The following TMEM132B variants were observed in gnomAD, a reference collection of about 807,000 sequenced individuals.
TMEM132B encodes transmembrane protein 132B.
In TMEM132B, 18 loss-of-function variants were observed where a neutral mutation model predicts 90.8. The ratio of observed to expected loss-of-function variants is 0.20; its 90% CI spans 0.14 to 0.29. TMEM132B has a LOEUF of 0.29. TMEM132B is among the 10% of genes least tolerant of loss of function. The pLI, the probability that TMEM132B is intolerant of heterozygous loss-of-function variation, is 1.00. For synonymous variants in TMEM132B, 504 were observed against 523.3 expected, an observed-to-expected ratio of 0.96 and a Z score of 0.50; for missense variants, 1,096 against 1,326.8, an observed-to-expected ratio of 0.83 and a Z score of 2.70.
chr12:125,230,065 A>G (rs1015234893), intron 1 of TMEM132B, among the ~76,000 whole-genome samples: 26 of 152,218 alleles, frequency 1.7e-4, no homozygotes, highest in Admixed American at 1.7e-3. Flanking sequence ...ATGGTTCCTC[A>G]AAGGAAAGCT....
intron 1 of TMEM132B, among the ~76,000 whole-genome samples, chr12:125,231,763 TAA>T (rs71999825): frequency 2.0e-5 from 3 of 148,578 alleles, no homozygotes; most frequent in Admixed American, 6.7e-5. Flanking sequence ...TTCTTTAAAT[TAA>T]AAAAAAAACC....
At chr12:125,511,851 CAAAA>C (rs35364069) in intron 3 of TMEM132B, among the ~76,000 whole-genome samples, 1 of 111,168 alleles carries the variant, frequency 9.0e-6, no homozygotes, top group Admixed American at 1.0e-4. Flanking sequence ...GACTCTATCT[CAAAA>C]AAAAAAAAAA....
chr12:125,206,537 C>A (rs886607540), intron 1 of TMEM132B, among the ~76,000 whole-genome samples: 11 of 152,120 alleles, frequency 7.2e-5, no homozygotes, highest in African/African-American at 2.7e-4. Context: ...TGCCCCTGGT[C>A]TGATTGATAT....
intron 1 of TMEM132B, among the ~76,000 whole-genome samples, chr12:125,261,048 T>C (rs1874556140): frequency 6.6e-6 from 1 of 152,200 alleles, no homozygotes; most frequent in Admixed American, 6.5e-5. Context: ...GTAGGCTGTG[T>C]GCACACTGGT....
chr12:125,541,264 A>C (rs2136727353), intron 4 of TMEM132B, among the ~76,000 whole-genome samples: 1 of 152,324 alleles, frequency 6.6e-6, no homozygotes. Flanking sequence ...GTCCTCAACA[A>C]ATATTTGTTA....
rs541027261 is a variant in TMEM132B, at chr12:125,511,331, G to C, written c.1107-8108G>C. Among the ~76,000 whole-genome samples, 6 of 152,214 alleles carry C rather than the reference G, an allele frequency of 3.9e-5. No homozygotes were observed. In the East Asian group the frequency reaches 5.8e-4, roughly 15 times the overall value. On this transcript the variant is annotated intron_variant, in intron 3 of 8. Transcript: ENST00000682704. The stretch of plus-strand genomic sequence containing the variant: ...AAAATTGGGTTGCTTTCACCTTTTG[G>C]GGGGGATGAACCATAAGGATACGAA...
chr12:125,326,543 G>A, intron 1 of TMEM132B: 1 of 1,458,386 alleles, frequency 6.9e-7, no homozygotes, highest in Non-Finnish European at 9.4e-7. Flanking sequence ...TTGATGGGGG[G>A]AGGTGGGAAT....
intron 3 of TMEM132B, among the ~76,000 whole-genome samples, 162 bp from the exon 4 acceptor site, chr12:125,519,276 TG>T (rs1883244724): frequency 6.6e-6 from 1 of 152,224 alleles, no homozygotes; most frequent in Non-Finnish European, 1.5e-5. Context: ...GGGCTGCTGA[TG>T]GGCAGCTGTG....
chr12:125,266,056 C>A (rs1410638300), intron 1 of TMEM132B, among the ~76,000 whole-genome samples: 1 of 152,092 alleles, frequency 6.6e-6, no homozygotes, highest in Non-Finnish European at 1.5e-5. Context: ...TGGTGAAACC[C>A]TGTCTCTACT....
At chr12:125,595,970 T>A (rs887536559) in intron 5 of TMEM132B, among the ~76,000 whole-genome samples, 3 of 152,082 alleles carry the variant, frequency 2.0e-5, no homozygotes, top group Non-Finnish European at 4.4e-5. Context: ...CCTCTTTTTT[T>A]CTCTTAAATA....
chr12:125,582,068 A>C (rs1403868458), intron 4 of TMEM132B, among the ~76,000 whole-genome samples: 1 of 152,106 alleles, frequency 6.6e-6, no homozygotes, highest in Non-Finnish European at 1.5e-5. Context: ...TATTGTTTTT[A>C]GGTATTCATT....
chr12:125,653,359 A>G (rs1886976371), intron 8 of TMEM132B, among the ~76,000 whole-genome samples: 1 of 152,238 alleles, frequency 6.6e-6, no homozygotes, highest in Admixed American at 6.5e-5. Flanking sequence ...ATTAAAGTAT[A>G]TTATTTATTC....
chr12:125,650,881 G>A lies in TMEM132B; in HGVS notation c.1842G>A (p.Glu614=), dbSNP rs765189289. 1 of 1,614,008 alleles carries A rather than the reference G, an allele frequency of 6.2e-7. No homozygotes were observed. Among genetic ancestry groups the A allele is most frequent in the Non-Finnish European group, 8.5e-7 (1 of 1,180,042 alleles). ...TDLVTEFMKV[E]EPKIAQLQDG... ...TTGTGACCGAGTTCATGAAGGTGGA[G>A]GAGCCGAAAATCGCTCAGTTACAGG... The change falls in exon 7 of 9, where the codon GAG becomes GAA. Residue 614 remains glutamate, a synonymous_variant. Transcript: ENST00000682704.
At chr12:125,571,086 A>C (rs953541853) in intron 4 of TMEM132B, among the ~76,000 whole-genome samples, 1 of 152,236 alleles carries the variant, frequency 6.6e-6, no homozygotes, top group African/African-American at 2.4e-5. Flanking sequence ...TTAGGCTGAA[A>C]GCTTTCTTTT....
intron 3 of TMEM132B, among the ~76,000 whole-genome samples, chr12:125,512,231 G>A (rs567812330): frequency 3.3e-5 from 5 of 152,262 alleles, no homozygotes; most frequent in South Asian, 4.2e-4. Context: ...CCTAATAAAG[G>A]GGACAGTGTT....
chr12:125,478,736 A>G (rs1271206472), intron 3 of TMEM132B, among the ~76,000 whole-genome samples: 1 of 152,192 alleles, frequency 6.6e-6, no homozygotes, highest in Non-Finnish European at 1.5e-5. Flanking sequence ...GCAGGCCAAC[A>G]TTCAAATTCA....
At chr12:125,444,687 C>T (rs1880956100) in intron 3 of TMEM132B, among the ~76,000 whole-genome samples, 1 of 152,132 alleles carries the variant, frequency 6.6e-6, no homozygotes, top group African/African-American at 2.4e-5. Flanking sequence ...GTTAACCTGG[C>T]TGGGCTGTAG....
chr12:125,203,145 C>T (rs1348016709), intron 1 of TMEM132B, among the ~76,000 whole-genome samples: 4 of 152,114 alleles, frequency 2.6e-5, no homozygotes, highest in African/African-American at 9.7e-5. Flanking sequence ...TATTTCCTTC[C>T]CTGCTTTACT....
chr12:125,512,023 A>T (rs1882995427), intron 3 of TMEM132B, among the ~76,000 whole-genome samples: 1 of 152,108 alleles, frequency 6.6e-6, no homozygotes, highest in African/African-American at 2.4e-5. Flanking sequence ...CGCCCTATGG[A>T]CAAGGGTAAG....
Sources: allele counts gnomAD v4.1 joint callset (sites outside exome capture counted in the v4.1 genomes callset), GRCh38; gene constraint gnomAD v4.1.1; transcripts MANE v1.5; gene names NCBI Gene and HGNC (gene_info 2026-07-23, HGNC 2026-07-21).